WDR72: variants seen among roughly 807,000 people sequenced by gnomAD.
WDR72 encodes the protein WD repeat domain 72.
WDR72 carries 120 observed loss-of-function variants against 124.2 expected under a neutral mutation model. That is an observed-to-expected ratio of 0.97 (90% confidence interval 0.83 to 1.12). The LOEUF (loss-of-function observed/expected upper bound fraction) is 1.12, where lower values mean the gene tolerates loss of function less well. Ranked by LOEUF, WDR72 falls within the 50% of genes most tolerant of loss-of-function variation. The pLI, the probability that WDR72 is intolerant of heterozygous loss-of-function variation, is 0.00. For missense variants in WDR72, 1,387 were observed against 1,278.8 expected (o/e 1.08, Z -1.29); for synonymous variants, 452 against 441.7 (o/e 1.02, Z -0.29).
At chr15:53,631,770 G>A (rs2014438754) in intron 14 of WDR72, among the ~76,000 whole-genome samples, 1 of 152,148 alleles carries the variant, frequency 6.6e-6, no homozygotes, top group African/African-American at 2.4e-5. Flanking sequence ...GGATCTGTGG[G>A]ACTTTGAACT....
At chr15:53,591,132 C>T (rs2012471718) in intron 18 of WDR72, among the ~76,000 whole-genome samples, 1 of 151,958 alleles carries the variant, frequency 6.6e-6, no homozygotes, top group Non-Finnish European at 1.5e-5. Flanking sequence ...GTTTAGGCAA[C>T]TTTTCTTGGA....
At position 53,556,878 on chromosome 15, in the gene WDR72, T is replaced by C. The variant is rs114483657; in HGVS notation, c.3149-33556A>G. On this transcript the variant is annotated intron_variant, in intron 18 of 19. Coordinates refer to ENST00000360509, the MANE Select transcript of WDR72 (RefSeq NM_182758.4). ...AGGTTACACACTCACTAATGTTATA[T>C]AATCCATGTTACATGTATAATACAT... is the stretch of plus-strand genomic sequence containing the variant. Among the ~76,000 whole-genome samples, 1,204 of 152,236 alleles carry C rather than the reference T, an allele frequency of 7.9e-3. 21 individuals carry two copies. Among genetic ancestry groups the C allele is most frequent in the African/African-American group, 0.028 (1,164 of 41,536 alleles).
intron 18 of WDR72, among the ~76,000 whole-genome samples, chr15:53,569,369 C>G (rs1460360317): frequency 6.6e-6 from 1 of 150,630 alleles, no homozygotes; most frequent in African/African-American, 2.5e-5. Flanking sequence ...ACTGTAGGTA[C>G]AAGTTCTCCA....
In WDR72 at chr15:53,615,823, CTG is replaced by C. The variant is rs1566985951; in HGVS notation, c.2381_2382del (p.Thr794SerfsTer15). On this transcript the variant is annotated frameshift_variant, in exon 15 of 20. Coordinates refer to ENST00000360509, the MANE Select transcript of WDR72 (RefSeq NM_182758.4). LOFTEE classifies it high-confidence loss of function. ...RKVDASLTID[T>X]AKLFLSCLLP... ...AAAAGGCAAGACAGAAACAATTTTG[CTG>C]TGTCTATTGTGAGACTGGCATCTAC... 1 of 1,613,560 alleles carries C rather than the reference CTG, an allele frequency of 6.2e-7. No individual in the cohort carries two copies. Among genetic ancestry groups the C allele is most frequent in the Admixed American group, 1.7e-5 (1 of 59,928 alleles).
At chr15:53,732,950 G>T in intron 2 of WDR72, 47 bp downstream of exon 2, 1 of 1,611,332 alleles carries the variant, frequency 6.2e-7, no homozygotes, top group Non-Finnish European at 8.5e-7. Context: ...CAAGTTGTCC[G>T]TATTTTGTGA....
intron 13 of WDR72, 148 bp downstream of exon 13, chr15:53,699,602 T>C (rs2017103109): frequency 1.1e-5 from 9 of 789,426 alleles, no homozygotes; most frequent in Non-Finnish European, 1.8e-5. Flanking sequence ...TTTGCACACA[T>C]GCCTTTAACT....
chr15:53,592,837 T>A (rs2012575046), intron 18 of WDR72, among the ~76,000 whole-genome samples: 1 of 152,134 alleles, frequency 6.6e-6, no homozygotes, highest in South Asian at 2.1e-4. Context: ...TTGCTGTTTT[T>A]AAAGCAATGA....
At chr15:53,723,968 C>T (rs142342254) in intron 2 of WDR72, among the ~76,000 whole-genome samples, 50 of 152,212 alleles carry the variant, frequency 3.3e-4, no homozygotes, top group African/African-American at 1.2e-3. Context: ...GAATAGTATA[C>T]AGCCAAATAA....
intron 9 of WDR72, among the ~76,000 whole-genome samples, chr15:53,706,402 G>A (rs1159480206): frequency 5.2e-3 from 295 of 57,226 alleles, no homozygotes; most frequent in Non-Finnish European, 9.4e-3. Flanking sequence ...ATATGGCTAT[G>A]TGTACACATT....
intron 14 of WDR72, among the ~76,000 whole-genome samples, chr15:53,653,402 A>T (rs2015308799): frequency 6.6e-6 from 1 of 152,204 alleles, no homozygotes; most frequent in African/African-American, 2.4e-5. Context: ...AGTAACAGAA[A>T]GTGGGCTGCT....
At chr15:53,606,173 T>C (rs927346204) in intron 17 of WDR72, among the ~76,000 whole-genome samples, 1 of 152,162 alleles carries the variant, frequency 6.6e-6, no homozygotes, top group Non-Finnish European at 1.5e-5. Context: ...TAAAGTTTAT[T>C]TGAAGGTCAA....
At chr15:53,611,326 A>G (rs1189069691) in intron 16 of WDR72, among the ~76,000 whole-genome samples, 1 of 152,086 alleles carries the variant, frequency 6.6e-6, no homozygotes, top group Non-Finnish European at 1.5e-5. Flanking sequence ...AATTCCAGAG[A>G]GATGATTCTA....
intron 4 of WDR72, 146 bp from the exon 5 acceptor site, chr15:53,715,513 C>A: frequency 8.5e-6 from 8 of 935,908 alleles, no homozygotes; most frequent in Non-Finnish European, 1.3e-5. Context: ...TCTCTTAGTT[C>A]AGTTATTCCA....
chr15:53,517,928 C>T (rs1281087511), intron 19 of WDR72, among the ~76,000 whole-genome samples, 174 bp from the exon 20 acceptor site: 1 of 151,972 alleles, frequency 6.6e-6, no homozygotes, highest in Admixed American at 6.6e-5. Context: ...ATAATTTCTA[C>T]ATGTCTTTTC....
intron 1 of WDR72, among the ~76,000 whole-genome samples, chr15:53,753,141 T>G (rs944898763): frequency 2.6e-5 from 4 of 152,244 alleles, no homozygotes; most frequent in African/African-American, 7.2e-5. Context: ...TTCCAAGGAC[T>G]AGTTATCTTC....
chr15:53,685,049 A>C (rs1253731462), intron 13 of WDR72, among the ~76,000 whole-genome samples: 4 of 152,132 alleles, frequency 2.6e-5, no homozygotes, highest in Non-Finnish European at 5.9e-5. Flanking sequence ...TCCACACCAA[A>C]AACCCATCTG....
At chr15:53,530,729 C>A (rs1892407624) in intron 18 of WDR72, among the ~76,000 whole-genome samples, 1 of 151,992 alleles carries the variant, frequency 6.6e-6, no homozygotes, top group Non-Finnish European at 1.5e-5. Context: ...GCATTTGAGA[C>A]TAGAGATAAA....
At chr15:53,683,630 T>C (rs903493392) in intron 13 of WDR72, among the ~76,000 whole-genome samples, 5 of 152,056 alleles carry the variant, frequency 3.3e-5, no homozygotes, top group African/African-American at 4.8e-5. Flanking sequence ...TATTTCCCCA[T>C]AGAAAATAGA....
chr15:53,592,877 T>C (rs2012576849), intron 18 of WDR72, among the ~76,000 whole-genome samples: 1 of 152,140 alleles, frequency 6.6e-6, no homozygotes, highest in Non-Finnish European at 1.5e-5. Context: ...GTGTTAATTG[T>C]ACAAGTTCTT....
Sources: gnomAD v4.1 joint callset for allele counts (sites outside exome capture counted in the v4.1 genomes callset) on GRCh38, gnomAD v4.1.1 for gene constraint, MANE v1.5 for transcripts, NCBI Gene and HGNC (gene_info 2026-07-23, HGNC 2026-07-21) for gene names.